The following STAG1 variants were observed in gnomAD, a reference collection of about 807,000 sequenced individuals.
STAG1 encodes the protein cohesin subunit SA-1.
In STAG1, 26 loss-of-function variants were observed where a neutral mutation model predicts 170.9. The observed-to-expected ratio is 0.15, with a 90% CI of 0.11 to 0.21. The LOEUF (loss-of-function observed/expected upper bound fraction) is 0.21. Among genes scored for constraint, STAG1 ranks in the 10% least tolerant of loss-of-function variants. The probability of loss-of-function intolerance (pLI) is 1.00; values close to 1 mark genes in which losing one functional copy is unlikely to be tolerated. For missense variants in STAG1, 964 were observed against 1,509.5 expected (o/e 0.64, Z 5.99); for synonymous variants, 514 against 497.7 (o/e 1.03, Z -0.44).
intron 14 of STAG1, among the ~76,000 whole-genome samples, chr3:136,449,543 G>C (rs1302411231): frequency 1.3e-5 from 2 of 148,518 alleles, no homozygotes; most frequent in African/African-American, 2.5e-5. Context: ...CTGAGTGACA[G>C]AGCAAGACTC....
At chr3:136,743,801 T>C (rs748621714) in intron 1 of STAG1, among the ~76,000 whole-genome samples, 8 of 152,066 alleles carry the variant, frequency 5.3e-5, no homozygotes, top group Non-Finnish European at 8.8e-5. Context: ...TAAAGCAATA[T>C]GCCTAGTGAA....
intron 7 of STAG1, among the ~76,000 whole-genome samples, chr3:136,513,654 A>T (rs911798224): frequency 1.3e-5 from 2 of 152,128 alleles, no homozygotes; most frequent in Non-Finnish European, 2.9e-5. Context: ...TTAAAAAAAA[A>T]TTTTCAATTA....
intron 1 of STAG1, among the ~76,000 whole-genome samples, chr3:136,632,100 A>T (rs1486880383): frequency 6.6e-6 from 1 of 152,178 alleles, no homozygotes; most frequent in Admixed American, 6.5e-5. Flanking sequence ...ATGGAGTAAC[A>T]TCTTAAAAGT....
Position 136,656,617 on chromosome 3 carries a change from T to TTGTGTG in STAG1, c.-83-25642_-83-25637dup, listed in dbSNP as rs71157397. On this transcript the variant is annotated intron_variant, in intron 1 of 33. Coordinates refer to ENST00000383202, the MANE Select transcript of STAG1 (RefSeq NM_005862.3). ...ATAAACGTGTGCTCTCTGTATTTAT[T>TTGTGTG]TGTGTGTGTGTGTGTGTGTGTGTGT... is the stretch of plus-strand genomic sequence containing the variant. 2.7e-3 allele frequency among the ~76,000 whole-genome samples: 394 copies of TTGTGTG among 143,384 alleles called. 1 individual carries two copies. Among genetic ancestry groups the TTGTGTG allele is most frequent in the South Asian group, 3.8e-3 (17 of 4,530 alleles). The allele number at this position is 143,384 out of a possible 152,430, so 94.1% of individuals were successfully genotyped here.
At chr3:136,343,806 GAA>G in intron 30 of STAG1, 24 bp downstream of exon 30, 1 of 1,497,558 alleles carries the variant, frequency 6.7e-7, no homozygotes, top group Non-Finnish European at 8.9e-7. Context: ...GGCTTTTTGT[GAA>G]AAAGACAAAT....
At chr3:136,527,589 C>G (rs2107921025) in intron 6 of STAG1, among the ~76,000 whole-genome samples, 1 of 152,136 alleles carries the variant, frequency 6.6e-6, no homozygotes, top group Middle Eastern at 3.4e-3. Flanking sequence ...CTTCTCTCAA[C>G]TTGTCATTCT....
At chr3:136,497,029 G>T (rs1933145424) in intron 9 of STAG1, among the ~76,000 whole-genome samples, 1 of 151,524 alleles carries the variant, frequency 6.6e-6, no homozygotes, top group Non-Finnish European at 1.5e-5. Context: ...TTTCTTATAA[G>T]ACATAAACTA....
At chr3:136,600,953 C>CA (rs1327034849) in intron 4 of STAG1, among the ~76,000 whole-genome samples, 5 of 152,006 alleles carry the variant, frequency 3.3e-5, no homozygotes, top group African/African-American at 1.2e-4. Context: ...TGCAGTGGCG[C>CA]AATCTTGGCT....
At chr3:136,582,534 C>CA (rs1190715089) in intron 4 of STAG1, among the ~76,000 whole-genome samples, 1 of 152,234 alleles carries the variant, frequency 6.6e-6, no homozygotes, top group Non-Finnish European at 1.5e-5. Context: ...CACGGTGGCT[C>CA]ACGCCTGTAA....
intron 14 of STAG1, 51 bp from the exon 15 acceptor site, chr3:136,443,455 C>G: frequency 1.6e-6 from 2 of 1,223,674 alleles, no homozygotes. Context: ...AAAGAAACTA[C>G]TAATACTAAT....
At chr3:136,418,402 G>GAAAAAAAAAAAA (rs1559789147) in intron 20 of STAG1, among the ~76,000 whole-genome samples, 1 of 89,390 alleles carries the variant, frequency 1.1e-5, no homozygotes, top group African/African-American at 5.1e-5. Context: ...AAAAAAAAAG[G>GAAAAAAAAAAAA]TTTTTTTCAT....
intron 3 of STAG1, among the ~76,000 whole-genome samples, chr3:136,620,581 T>C (rs987819162): frequency 1.3e-5 from 2 of 152,188 alleles, no homozygotes; most frequent in Non-Finnish European, 2.9e-5. Flanking sequence ...ATAACACTAG[T>C]GTGAGGATTA....
chr3:136,749,344 C>T lies in STAG1; in HGVS notation c.-84+2851G>A, dbSNP rs529847672. Among the ~76,000 whole-genome samples, 6 of 152,230 alleles carry T rather than the reference C, an allele frequency of 3.9e-5. No homozygotes were observed. The South Asian group carries it at 1.2e-3, about 32-fold the overall frequency. On this transcript the variant is annotated intron_variant, in intron 1 of 33. Coordinates refer to ENST00000383202, the MANE Select transcript of STAG1 (RefSeq NM_005862.3). ...AACAGCCATGTTGTGAACTATGTGG[C>T]CACACGGCAAGGATCTGAGAGCAGT...
intron 31 of STAG1, 145 bp downstream of exon 31, chr3:136,341,296 C>A: frequency 1.7e-6 from 1 of 581,348 alleles, no homozygotes; most frequent in Non-Finnish European, 3.0e-6. Flanking sequence ...TAAGAACTCA[C>A]ACCCTCCTTT....
intron 5 of STAG1, among the ~76,000 whole-genome samples, chr3:136,568,158 C>T (rs772653155): frequency 5.9e-5 from 9 of 152,050 alleles, no homozygotes; most frequent in African/African-American, 1.9e-4. Flanking sequence ...TCTGTATTCA[C>T]AAGCAGAGAA....
intron 22 of STAG1, among the ~76,000 whole-genome samples, chr3:136,398,306 T>G (rs1233517219): frequency 6.6e-6 from 1 of 152,098 alleles, no homozygotes; most frequent in Non-Finnish European, 1.5e-5. Context: ...TTAGTAGAGA[T>G]GGAGTTTCAC....
At chr3:136,705,462 C>A (rs1943204046) in intron 1 of STAG1, among the ~76,000 whole-genome samples, 1 of 151,448 alleles carries the variant, frequency 6.6e-6, no homozygotes, top group Admixed American at 6.6e-5. Flanking sequence ...TGCTGTGTCC[C>A]CACCCAGATC....
intron 13 of STAG1, among the ~76,000 whole-genome samples, chr3:136,461,985 A>G (rs2107793101): frequency 6.6e-6 from 1 of 152,270 alleles, no homozygotes; most frequent in African/African-American, 2.4e-5. Flanking sequence ...CAAATAAGAA[A>G]TCACAATGAG....
intron 5 of STAG1, among the ~76,000 whole-genome samples, chr3:136,546,386 A>AT (rs935135613): frequency 6.6e-6 from 1 of 152,168 alleles, no homozygotes; most frequent in Non-Finnish European, 1.5e-5. Context: ...ATGTCTATGT[A>AT]TTTTTGTAGA....
Sources: allele counts gnomAD v4.1 joint callset (sites outside exome capture counted in the v4.1 genomes callset), GRCh38; gene constraint gnomAD v4.1.1; transcripts MANE v1.5; gene names NCBI Gene and HGNC (gene_info 2026-07-23, HGNC 2026-07-21).